Variants in ERBB4 observed in about 807,000 individuals in gnomAD.
The protein encoded by ERBB4 is erb-b2 receptor tyrosine kinase 4.
In ERBB4, 42 loss-of-function variants were observed where a neutral mutation model predicts 158.0. That is an observed-to-expected ratio of 0.27 (90% CI 0.21 to 0.34). ERBB4 has a LOEUF of 0.34. ERBB4 is among the 10% of genes least tolerant of loss of function. The pLI, the probability that ERBB4 is intolerant of heterozygous loss-of-function variation, is 1.00. For synonymous variants in ERBB4, 583 were observed against 558.7 expected (o/e 1.04, Z -0.61); for missense variants, 1,333 against 1,624.1 (o/e 0.82, Z 3.08).
At chr2:211,763,248 A>C (rs2075460582) in intron 4 of ERBB4, among the ~76,000 whole-genome samples, 1 of 152,218 alleles carries the variant, frequency 6.6e-6, no homozygotes, top group African/African-American at 2.4e-5. Flanking sequence ...AACATAAAGA[A>C]ATTCTGATAA....
At chr2:212,351,882 A>G (rs2089267974) in intron 1 of ERBB4, among the ~76,000 whole-genome samples, 1 of 152,158 alleles carries the variant, frequency 6.6e-6, no homozygotes, top group Non-Finnish European at 1.5e-5. Context: ...TCAAACACAG[A>G]AAGACTTTAT....
intron 19 of ERBB4, among the ~76,000 whole-genome samples, chr2:211,579,193 C>T (rs952887252): frequency 6.6e-6 from 1 of 151,636 alleles, no homozygotes; most frequent in African/African-American, 2.4e-5. Context: ...AACAAACATA[C>T]AAAAAAAGTT....
At chr2:212,472,386 A>G (rs1689158600) in intron 1 of ERBB4, among the ~76,000 whole-genome samples, 1 of 151,838 alleles carries the variant, frequency 6.6e-6, no homozygotes, top group Admixed American at 6.6e-5. Context: ...ACAGCTAGAA[A>G]GTAATATAGC....
chr2:212,324,955 A>C (rs1027247124), intron 1 of ERBB4, among the ~76,000 whole-genome samples: 8 of 150,546 alleles, frequency 5.3e-5, no homozygotes, highest in African/African-American at 1.9e-4. Flanking sequence ...TTTAATGAGT[A>C]AACACTGATC....
chr2:211,566,755 ATATT>A (rs1269608788), intron 19 of ERBB4, among the ~76,000 whole-genome samples: 2 of 152,180 alleles, frequency 1.3e-5, no homozygotes, highest in African/African-American at 4.8e-5. Context: ...ATTTAATTAT[ATATT>A]TAATTGTGTA....
intron 2 of ERBB4, among the ~76,000 whole-genome samples, chr2:211,957,309 A>G (rs839512): frequency 0.41 from 61,845 of 151,910 alleles, 14,485 homozygotes; most frequent in African/African-American, 0.65. Context: ...CATGACAAGA[A>G]AAAAGACCAT....
In ERBB4 at chr2:211,665,304, G is replaced by C; in HGVS notation, c.1871+19C>G. On this transcript the variant is annotated intron_variant, in intron 15 of 27. Transcript: ENST00000342788. ...GATAACACATACCAGGTGAGCCCTT[G>C]GCCAGCAAGAATGCTTACCCTTGGG... The C allele has an allele frequency of 1.9e-6, 3 of 1,613,586 alleles. No individual in the cohort carries two copies. Among genetic ancestry groups the C allele is most frequent in the Non-Finnish European group, 2.5e-6 (3 of 1,179,520 alleles).
At chr2:212,377,036 C>T (rs888066796) in intron 1 of ERBB4, among the ~76,000 whole-genome samples, 1 of 151,906 alleles carries the variant, frequency 6.6e-6, no homozygotes, top group Non-Finnish European at 1.5e-5. Flanking sequence ...TATATCTTCT[C>T]CCCTGCTTAA....
At chr2:211,664,750 T>C (rs1319406613) in intron 15 of ERBB4, among the ~76,000 whole-genome samples, 3 of 152,170 alleles carry the variant, frequency 2.0e-5, no homozygotes, top group Admixed American at 6.6e-5. Flanking sequence ...TCAAAGAAAT[T>C]CAAGGCTAAA....
At chr2:212,052,999 T>C (rs2077444874) in intron 2 of ERBB4, among the ~76,000 whole-genome samples, 1 of 151,904 alleles carries the variant, frequency 6.6e-6, no homozygotes, top group Admixed American at 6.6e-5. Flanking sequence ...AAATGTGGGG[T>C]TTCCATAACA....
intron 20 of ERBB4, among the ~76,000 whole-genome samples, chr2:211,554,251 G>C (rs2067179126): frequency 1.3e-5 from 2 of 152,298 alleles, no homozygotes; most frequent in Non-Finnish European, 2.9e-5. Context: ...CAATATATTT[G>C]TGTGTCCTTT....
intron 2 of ERBB4, among the ~76,000 whole-genome samples, chr2:212,000,975 T>C (rs1156718096): frequency 6.6e-6 from 1 of 152,036 alleles, no homozygotes; most frequent in African/African-American, 2.4e-5. Context: ...CTCATTTTTA[T>C]ATTTTATATC....
chr2:211,830,743 C>A (rs2105969294), intron 3 of ERBB4, among the ~76,000 whole-genome samples: 1 of 151,908 alleles, frequency 6.6e-6, no homozygotes, highest in South Asian at 2.1e-4. Context: ...AAATAAAATA[C>A]AACCCAGGTA....
At chr2:212,402,524 G>A (rs1352376543) in intron 1 of ERBB4, among the ~76,000 whole-genome samples, 1 of 152,056 alleles carries the variant, frequency 6.6e-6, no homozygotes, top group African/African-American at 2.4e-5. Flanking sequence ...AATAAGACCA[G>A]TAGATGGTGT....
chr2:211,842,512 T>A (rs2077495268), intron 3 of ERBB4, among the ~76,000 whole-genome samples: 1 of 151,872 alleles, frequency 6.6e-6, no homozygotes, highest in Non-Finnish European at 1.5e-5. Flanking sequence ...CACATTTCAA[T>A]GTACCTATAT....
At chr2:212,189,540 G>T (rs1267604446) in intron 1 of ERBB4, among the ~76,000 whole-genome samples, 2 of 151,956 alleles carry the variant, frequency 1.3e-5, no homozygotes, top group Non-Finnish European at 2.9e-5. Context: ...TTCTTTCAAG[G>T]CTCTTTCTTG....
intron 1 of ERBB4, among the ~76,000 whole-genome samples, chr2:212,386,365 G>C (rs545805682): frequency 4.0e-5 from 6 of 151,706 alleles, no homozygotes; most frequent in African/African-American, 1.5e-4. Flanking sequence ...TCTTTCTCCA[G>C]GTTTGGGTGG....
chr2:212,168,341 T>C (rs116366243), intron 1 of ERBB4, among the ~76,000 whole-genome samples: 9 of 152,300 alleles, frequency 5.9e-5, no homozygotes, highest in African/African-American at 2.2e-4. Context: ...TTCTATGAAA[T>C]GAATGCCAAT....
chr2:212,308,521 A>G (rs2086899716), intron 1 of ERBB4, among the ~76,000 whole-genome samples: 1 of 150,990 alleles, frequency 6.6e-6, no homozygotes, highest in Admixed American at 6.6e-5. Context: ...AAAAGACCAG[A>G]ATTTATTTGA....
Sources: gnomAD v4.1 joint callset for allele counts (sites outside exome capture counted in the v4.1 genomes callset) on GRCh38, gnomAD v4.1.1 for gene constraint, MANE v1.5 for transcripts, NCBI Gene and HGNC (gene_info 2026-07-23, HGNC 2026-07-21) for gene names.